The following SDCCAG8 variants were observed in gnomAD, a reference collection of about 807,000 sequenced individuals.
The protein encoded by SDCCAG8 is SHH signaling and ciliogenesis regulator SDCCAG8, also known as serologically defined colon cancer antigen 8.
A neutral mutation model predicts 101.8 loss-of-function variants in SDCCAG8; 74 were observed. The ratio of observed to expected loss-of-function variants is 0.73; its 90% CI spans 0.60 to 0.88. The LOEUF (loss-of-function observed/expected upper bound fraction) is 0.88. SDCCAG8 is among the 40% of genes least tolerant of loss of function. The probability of loss-of-function intolerance (pLI) is 0.00; values close to 1 mark genes in which losing one functional copy is unlikely to be tolerated. For synonymous variants in SDCCAG8, 281 were observed against 292.9 expected, an observed-to-expected ratio of 0.96 and a Z score of 0.41; for missense variants, 787 against 822.6, an observed-to-expected ratio of 0.96 and a Z score of 0.53.
intron 1 of SDCCAG8, among the ~76,000 whole-genome samples, chr1:243,268,869 G>A (rs895240128): frequency 6.6e-6 from 1 of 152,186 alleles, no homozygotes; most frequent in Non-Finnish European, 1.5e-5. Context: ...GGCCTCTGGT[G>A]CTGGAGTCCT....
chr1:243,469,834 T>G (rs1281583773), intron 16 of SDCCAG8, among the ~76,000 whole-genome samples: 3 of 150,206 alleles, frequency 2.0e-5, no homozygotes, highest in Non-Finnish European at 3.0e-5. Flanking sequence ...GTGTTGGTTT[T>G]TTTTTTTTTT....
chr1:243,377,280 G>A (rs748972883), intron 12 of SDCCAG8, among the ~76,000 whole-genome samples: 5 of 151,616 alleles, frequency 3.3e-5, no homozygotes, highest in Non-Finnish European at 7.4e-5. Context: ...GTATTTCTTT[G>A]CTTTTGTTAA....
intron 6 of SDCCAG8, among the ~76,000 whole-genome samples, chr1:243,296,659 C>T (rs951343291): frequency 9.2e-4 from 137 of 149,508 alleles, no homozygotes; most frequent in African/African-American, 3.1e-3. Context: ...TCTCCTGCCT[C>T]AGCCTCCCGA....
At chr1:243,484,853 G>T (rs1013101384) in intron 16 of SDCCAG8, among the ~76,000 whole-genome samples, 4 of 152,120 alleles carry the variant, frequency 2.6e-5, no homozygotes, top group African/African-American at 7.2e-5. Flanking sequence ...AGACCAGCCT[G>T]GCCAACATCG....
chr1:243,348,686 A>C (rs2075890808), intron 12 of SDCCAG8, among the ~76,000 whole-genome samples: 1 of 151,770 alleles, frequency 6.6e-6, no homozygotes, highest in Non-Finnish European at 1.5e-5. Flanking sequence ...TACAAAACAC[A>C]ATTCTAGCCG....
intron 16 of SDCCAG8, among the ~76,000 whole-genome samples, chr1:243,456,045 T>G (rs1208940838): frequency 6.6e-6 from 1 of 152,182 alleles, no homozygotes; most frequent in Non-Finnish European, 1.5e-5. Flanking sequence ...GTCTACAGGC[T>G]GTGGGAGCTC....
intron 4 of SDCCAG8, 52 bp downstream of exon 4, chr1:243,274,708 C>G (rs760913001): frequency 9.4e-7 from 1 of 1,064,992 alleles, no homozygotes; most frequent in East Asian, 2.5e-5. Flanking sequence ...CTTATATTAA[C>G]TATAGATTGT....
intron 16 of SDCCAG8, among the ~76,000 whole-genome samples, chr1:243,480,383 G>A (rs1663279877): frequency 1.4e-5 from 1 of 73,720 alleles, no homozygotes; most frequent in Non-Finnish European, 2.7e-5. Flanking sequence ...TGGGTGGATG[G>A]ATGGATGGAT....
intron 16 of SDCCAG8, among the ~76,000 whole-genome samples, chr1:243,448,948 G>A (rs2083143207): frequency 6.6e-6 from 1 of 152,270 alleles, no homozygotes; most frequent in African/African-American, 2.4e-5. Context: ...AACTTGATGT[G>A]TATGTGCAAC....
chr1:243,299,665 C>T (rs560944309), intron 6 of SDCCAG8, among the ~76,000 whole-genome samples: 11 of 152,164 alleles, frequency 7.2e-5, no homozygotes, highest in Middle Eastern at 3.5e-3. Context: ...CCGCCTGCCT[C>T]GGCCTCCCAC....
chr1:243,271,833 C>T (rs966425320), intron 3 of SDCCAG8, among the ~76,000 whole-genome samples: 6 of 152,044 alleles, frequency 3.9e-5, no homozygotes, highest in African/African-American at 1.2e-4. Flanking sequence ...TGTGAGCCAC[C>T]GCGCCTGGCC....
chr1:243,426,611 T>C, intron 16 of SDCCAG8, 53 bp downstream of exon 16: 1 of 1,610,086 alleles, frequency 6.2e-7, no homozygotes, highest in South Asian at 1.1e-5. Flanking sequence ...GTGTTTGGTT[T>C]ACACACTGAA....
At chr1:243,287,654 T>C (rs2069764502) in intron 5 of SDCCAG8, among the ~76,000 whole-genome samples, 1 of 152,114 alleles carries the variant, frequency 6.6e-6, no homozygotes. Context: ...CCATCTTAGT[T>C]GCTTATGATT....
At chr1:243,498,088 C>T (rs1204383746) in intron 17 of SDCCAG8, among the ~76,000 whole-genome samples, 3 of 152,192 alleles carry the variant, frequency 2.0e-5, no homozygotes, top group Non-Finnish European at 4.4e-5. Context: ...GCGAGGCCAC[C>T]AGGCCACCTG....
At chr1:243,281,693 C>T (rs2069066916) in intron 4 of SDCCAG8, among the ~76,000 whole-genome samples, 1 of 142,708 alleles carries the variant, frequency 7.0e-6, no homozygotes. Flanking sequence ...GCCCTGTTAC[C>T]TAGGCAGTGA....
At chr1:243,354,463 A>G (rs2076275535) in intron 12 of SDCCAG8, among the ~76,000 whole-genome samples, 1 of 152,254 alleles carries the variant, frequency 6.6e-6, no homozygotes, top group Non-Finnish European at 1.5e-5. Context: ...GTTTACTTAC[A>G]AGACAGACAT....
intron 16 of SDCCAG8, among the ~76,000 whole-genome samples, chr1:243,436,364 C>T (rs945578461): frequency 1.3e-4 from 19 of 151,930 alleles, no homozygotes; most frequent in African/African-American, 4.4e-4. Context: ...TTTATAGTTT[C>T]GTGTTTTACA....
chr1:243,349,959 TC>T (rs1200509909), intron 12 of SDCCAG8, among the ~76,000 whole-genome samples: 2 of 152,122 alleles, frequency 1.3e-5, no homozygotes, highest in Non-Finnish European at 2.9e-5. Flanking sequence ...GTGGGGTATC[TC>T]TGCAAAAGAA....
chr1:243,323,293 G>T (rs894549759), intron 9 of SDCCAG8, among the ~76,000 whole-genome samples: 3 of 152,068 alleles, frequency 2.0e-5, no homozygotes, highest in African/African-American at 7.2e-5. Context: ...CTCCACTGCT[G>T]GCACGTCACT....
Sources: gnomAD v4.1 joint callset for allele counts (sites outside exome capture counted in the v4.1 genomes callset) on GRCh38, gnomAD v4.1.1 for gene constraint, MANE v1.5 for transcripts, NCBI Gene and HGNC (gene_info 2026-07-23, HGNC 2026-07-21) for gene names.